MAST4: variants seen among roughly 807,000 people sequenced by gnomAD.
MAST4 encodes the protein microtubule associated serine/threonine kinase family member 4, also known as microtubule-associated serine/threonine-protein kinase 4.
In MAST4, 89 loss-of-function variants were observed where a neutral mutation model predicts 162.7. That is an observed-to-expected ratio of 0.55 (90% CI 0.46 to 0.65). MAST4 has a LOEUF of 0.65. MAST4 is among the 30% of genes least tolerant of loss of function. The pLI, the probability that MAST4 is intolerant of heterozygous loss-of-function variation, is 0.00. For synonymous variants in MAST4, 1,479 were observed against 1,361.1 expected (o/e 1.09, Z -1.91); for missense variants, 3,153 against 3,374.0 (o/e 0.93, Z 1.62).
chr5:66,681,551 G>A (rs1381691761), intron 1 of MAST4, among the ~76,000 whole-genome samples: 1 of 152,216 alleles, frequency 6.6e-6, no homozygotes, highest in African/African-American at 2.4e-5. Flanking sequence ...CCACACTGGT[G>A]TTTGAAAATT....
chr5:66,788,607 C>CCCCCCCAAA, intron 2 of MAST4, 63 bp from the exon 3 acceptor site: 2 of 1,373,726 alleles, frequency 1.5e-6, no homozygotes, highest in Middle Eastern at 1.9e-4. Flanking sequence ...CCCCCACCCC[C>CCCCCCCAAA]ATTGCAATAA....
intron 3 of MAST4, among the ~76,000 whole-genome samples, chr5:66,851,937 G>C (rs1256618004): frequency 6.6e-6 from 1 of 152,074 alleles, no homozygotes; most frequent in Admixed American, 6.5e-5. Context: ...ATAATCTGGC[G>C]AGGTTATCTG....
intron 3 of MAST4, among the ~76,000 whole-genome samples, chr5:66,855,911 C>A (rs1465193720): frequency 6.6e-6 from 1 of 152,138 alleles, no homozygotes; most frequent in Non-Finnish European, 1.5e-5. Flanking sequence ...CCTGTAATCC[C>A]AGCACTTTGG....
chr5:66,688,173 C>T (rs1055439841), intron 1 of MAST4, among the ~76,000 whole-genome samples: 4 of 152,196 alleles, frequency 2.6e-5, no homozygotes, highest in Admixed American at 6.5e-5. Context: ...TCACAAGTCT[C>T]TGCCTTGGAG....
At chr5:66,601,397 T>A (rs1742542492) in intron 1 of MAST4, among the ~76,000 whole-genome samples, 1 of 152,160 alleles carries the variant, frequency 6.6e-6, no homozygotes, top group Non-Finnish European at 1.5e-5. Context: ...GAGCTTCAAC[T>A]CTAGTTGGGG....
intron 3 of MAST4, among the ~76,000 whole-genome samples, chr5:66,829,037 T>C (rs1757418882): frequency 6.6e-6 from 1 of 152,198 alleles, no homozygotes; most frequent in African/African-American, 2.4e-5. Flanking sequence ...GTTACAGGTA[T>C]GACACATCAC....
At chr5:66,881,750 C>T (rs1761708240) in intron 3 of MAST4, among the ~76,000 whole-genome samples, 1 of 152,164 alleles carries the variant, frequency 6.6e-6, no homozygotes, top group Non-Finnish European at 1.5e-5. Context: ...GTACAAGTTA[C>T]TCAATTTGGC....
intron 4 of MAST4, among the ~76,000 whole-genome samples, chr5:66,998,610 C>T (rs774282987): frequency 2.0e-5 from 3 of 152,188 alleles, no homozygotes; most frequent in Non-Finnish European, 4.4e-5. Context: ...TTTGTTATCA[C>T]ACATCTTTCT....
intron 4 of MAST4, among the ~76,000 whole-genome samples, chr5:66,975,522 G>A (rs1035876571): frequency 6.6e-5 from 10 of 152,122 alleles, no homozygotes; most frequent in Admixed American, 5.9e-4. Context: ...ACTAGAACCA[G>A]TGCTCACAGA....
At chr5:66,686,547 G>A (rs974470208) in intron 1 of MAST4, among the ~76,000 whole-genome samples, 4 of 152,098 alleles carry the variant, frequency 2.6e-5, no homozygotes, top group Non-Finnish European at 5.9e-5. Flanking sequence ...ATGAGGACAG[G>A]ATTTTTCTTC....
At chr5:66,762,757 ATTGTTTTACT>A (rs1462421694) in intron 2 of MAST4, among the ~76,000 whole-genome samples, 1 of 152,102 alleles carries the variant, frequency 6.6e-6, no homozygotes, top group Non-Finnish European at 1.5e-5. Flanking sequence ...CCACCTTCTC[ATTGTTTTACT>A]TTGTTTTAAT....
rs778468152 is a variant in MAST4 at position 67,142,103 on chromosome 5, GC to G, written c.2495-7del. ...AACACTTTCCTCTCTGTCTCTACCT[GC>G]CCCCTTCCAGGTGGTGCATATGAAG... On this transcript the variant is annotated splice_polypyrimidine_tract_variant and intron_variant, in intron 19 of 28. Coordinates refer to ENST00000403625, the MANE Select transcript of MAST4 (RefSeq NM_001164664.2). 7 of 1,612,692 alleles carry G rather than the reference GC, an allele frequency of 4.3e-6. No individual in the cohort carries two copies. The African/African-American group carries it at 8.0e-5, about 18-fold the overall frequency.
intron 2 of MAST4, among the ~76,000 whole-genome samples, chr5:66,774,681 CT>C (rs1754504843): frequency 6.6e-6 from 1 of 152,122 alleles, no homozygotes; most frequent in Admixed American, 6.5e-5. Context: ...AAAGCAAAGC[CT>C]TGTGCATTTC....
intron 4 of MAST4, among the ~76,000 whole-genome samples, chr5:66,924,479 C>T (rs36103728): frequency 0.013 from 1,980 of 151,754 alleles, 30 homozygotes; most frequent in South Asian, 0.051. Context: ...CTGCAAGCTC[C>T]GCCTCCCAGG....
chr5:66,863,740 G>A (rs946928689), intron 3 of MAST4, among the ~76,000 whole-genome samples: 3 of 152,126 alleles, frequency 2.0e-5, no homozygotes, highest in African/African-American at 7.2e-5. Flanking sequence ...GAATGTGATC[G>A]AAATCATTGC....
intron 1 of MAST4, among the ~76,000 whole-genome samples, chr5:66,730,076 T>A (rs1751748560): frequency 6.6e-6 from 1 of 152,160 alleles, no homozygotes; most frequent in South Asian, 2.1e-4. Context: ...AGAGAGGAAG[T>A]ATAGATCTGG....
At position 66,596,673 on chromosome 5, in the gene MAST4, G is replaced by A. The variant is rs772889165; in HGVS notation, c.18G>A (p.Ser6=). 1 of 1,465,006 alleles carries A rather than the reference G, an allele frequency of 6.8e-7. No individual in the cohort carries two copies. 90.8% of individuals were successfully genotyped at this position (1,465,006 alleles called of 1,614,324 possible). A position where few individuals can be genotyped will look rare whatever the true frequency, so the allele number is the denominator to read the frequency against. MGEKV[S]EAPEPVPRGC... ...ACAGGGAAATGGGGGAGAAAGTTTCGGAGGCGCCAGAGCCGGTGCCCCGCG... is the reference window on the plus strand; with the variant it reads ...ACAGGGAAATGGGGGAGAAAGTTTCAGAGGCGCCAGAGCCGGTGCCCCGCG... Residue 6 remains serine (S), a synonymous_variant, in exon 1 of 29, where the codon TCG becomes TCA. Transcript: ENST00000403625.
intron 1 of MAST4, among the ~76,000 whole-genome samples, chr5:66,730,040 T>C (rs1246096832): frequency 6.6e-6 from 1 of 152,206 alleles, no homozygotes; most frequent in African/African-American, 2.4e-5. Context: ...TTTATTTTTT[T>C]TCTTTTGTCT....
intron 3 of MAST4, among the ~76,000 whole-genome samples, chr5:66,802,228 C>A (rs1755957844): frequency 6.6e-6 from 1 of 152,030 alleles, no homozygotes; most frequent in Non-Finnish European, 1.5e-5. Flanking sequence ...TTTCAAATAT[C>A]ATTTTTCTTG....
Sources: gnomAD v4.1 joint callset for allele counts (sites outside exome capture counted in the v4.1 genomes callset) on GRCh38, gnomAD v4.1.1 for gene constraint, MANE v1.5 for transcripts, NCBI Gene and HGNC (gene_info 2026-07-23, HGNC 2026-07-21) for gene names.